Variants in PLTP observed in about 807,000 individuals in gnomAD.
PLTP encodes the protein BPI fold containing family E.
PLTP carries 43 observed loss-of-function variants against 54.1 expected under a neutral mutation model. The ratio of observed to expected loss-of-function variants is 0.79; its 90% CI spans 0.62 to 1.02. PLTP has a LOEUF of 1.02. Ranked by LOEUF, PLTP falls within the 50% of genes least tolerant of loss-of-function variation. The pLI is 0.00. For missense variants in PLTP, 604 were observed against 645.9 expected (o/e 0.94, Z 0.70); for synonymous variants, 263 against 264.6 (o/e 0.99, Z 0.06).
At chr20:45,910,262 G>A (rs1211323973) in intron 3 of PLTP, among the ~76,000 whole-genome samples, 192 bp from the exon 4 acceptor site, 1 of 152,148 alleles carries the variant, frequency 6.6e-6, no homozygotes, top group East Asian at 1.9e-4. Context: ...GGCTGAGAGA[G>A]GAGGTCTTCC....
intron 13 of PLTP, 29 bp downstream of exon 13, chr20:45,899,807 G>GGCCCCCCCCCCCCCCCCCCCCCCCC (rs1601153877): frequency 2.2e-6 from 3 of 1,369,454 alleles, no homozygotes; most frequent in Non-Finnish European, 3.0e-6. Context: ...CACGAACCCA[G>GGCCCCCCCCCCCCCCCCCCCCCCCC]CCCAGCCCAC....
At chr20:45,909,185 G>C (rs1034439091) in intron 5 of PLTP, among the ~76,000 whole-genome samples, 1 of 151,942 alleles carries the variant, frequency 6.6e-6, no homozygotes, top group Non-Finnish European at 1.5e-5. Context: ...GGATGATCTC[G>C]ATCTGTTAAC....
chr20:45,901,976 G>T (rs2083189180), intron 12 of PLTP, among the ~76,000 whole-genome samples: 1 of 151,866 alleles, frequency 6.6e-6, no homozygotes, highest in South Asian at 2.1e-4. Context: ...GTGTTGTGCT[G>T]AGGTTTTTGT....
At chr20:45,910,398 T>C (rs183200067) in intron 3 of PLTP, among the ~76,000 whole-genome samples, 635 of 152,134 alleles carry the variant, frequency 4.2e-3, no homozygotes, top group South Asian at 0.017. Flanking sequence ...GGCGGATCAC[T>C]TGAGGTCAGG....
Position 45,898,704 on chromosome 20 carries a change from A to T in PLTP, c.*237T>A. On this transcript the variant is annotated 3_prime_UTR_variant, in exon 16 of 16. Coordinates refer to ENST00000372431, the MANE Select transcript of PLTP (RefSeq NM_006227.4). The surrounding 1 kb of genome is among the most constrained non-coding windows in gnomAD (Gnocchi z 4.6). ...CTTCTCTGCTTAAAGAATGCCCTTT[A>T]TGATGCACTGATTCCATCCCAGGAA... 1.5e-6 allele frequency: 1 copy of T among 656,600 alleles called. No homozygotes were observed. The highest frequency in any genetic ancestry group is 2.6e-6 in the Non-Finnish European group (1 of 378,480). 40.7% of individuals were successfully genotyped at this position (656,600 alleles called of 1,614,324 possible).
chr20:45,911,275 C>A (rs1026472921), intron 2 of PLTP, 24 bp from the exon 3 acceptor site: 23 of 1,613,882 alleles, frequency 1.4e-5, no homozygotes, highest in Middle Eastern at 1.7e-4. Flanking sequence ...GAAACCCTTA[C>A]TTAGCTCCCG....
chr20:45,908,048 AAGAACC>A (rs2083257889), intron 5 of PLTP, 144 bp from the exon 6 acceptor site: 2 of 772,612 alleles, frequency 2.6e-6, no homozygotes, highest in Non-Finnish European at 2.2e-6. Flanking sequence ...TAGGTTTTCC[AAGAACC>A]AGGCCCAAAT....
At chr20:45,909,756 G>T in intron 4 of PLTP, 85 bp from the exon 5 acceptor site, 5 of 1,517,256 alleles carry the variant, frequency 3.3e-6, no homozygotes, top group East Asian at 2.3e-5. Flanking sequence ...TCTTAATAAG[G>T]TTTCACCTCT....
Position 45,902,582 on chromosome 20 carries a change from G to C in PLTP, c.965C>G (p.Pro322Arg). ...VLLSPAVIDS[P>R]LKLELRVLAP... Reference sequence around the variant, plus strand: ...CAGGACCCGCAGCTCCAGCTTCAATGGGGAGTCAATCACTGCTGGGCTCTG... The same window carrying C: ...CAGGACCCGCAGCTCCAGCTTCAATCGGGAGTCAATCACTGCTGGGCTCTG... The change falls in exon 11 of 16, where the codon CCA (proline) becomes CGA (arginine). Residue 322 changes from proline to arginine, a missense_variant. By Grantham distance (103) the Pro-to-Arg change is moderately radical (BLOSUM62 -2). Transcript: ENST00000372431. 6.2e-7 allele frequency: 1 copy of C among 1,612,578 alleles called. No individual in the cohort carries two copies. The highest frequency in any genetic ancestry group is 8.5e-7 in the Non-Finnish European group (1 of 1,179,272).
Position 45,902,608 on chromosome 20 carries a change from G to C in PLTP, c.943-4C>G. 1 of 1,601,084 alleles carries C rather than the reference G, an allele frequency of 6.2e-7. No individual in the cohort carries two copies. The highest frequency in any genetic ancestry group is 8.5e-7 in the Non-Finnish European group (1 of 1,172,882). ...GGGAGTCAATCACTGCTGGGCTCTG[G>C]GGGATGAGCAGCAGGGGCGGGTCAA... is the stretch of plus-strand genomic sequence containing the variant. On this transcript the variant is annotated splice_polypyrimidine_tract_variant and splice_region_variant and intron_variant, in intron 10 of 15. Transcript: ENST00000372431.
chr20:45,899,810 C>CCG, intron 13 of PLTP, 26 bp downstream of exon 13: 8 of 1,134,760 alleles, frequency 7.0e-6, no homozygotes, highest in Non-Finnish European at 9.1e-6. Context: ...GAACCCAGCC[C>CCG]AGCCCACCCA....
intron 3 of PLTP, among the ~76,000 whole-genome samples, chr20:45,910,623 A>G (rs2083281360): frequency 6.6e-6 from 1 of 151,508 alleles, no homozygotes; most frequent in Non-Finnish European, 1.5e-5. Context: ...TCAGAAAAAA[A>G]AAAAAAAAAA....
chr20:45,909,874 C>T (rs1444282728), intron 4 of PLTP, 68 bp downstream of exon 4: 9 of 1,567,356 alleles, frequency 5.7e-6, no homozygotes, highest in Non-Finnish European at 7.0e-6. Flanking sequence ...GGGGGCTGCC[C>T]ACAGCCCCAC....
chr20:45,903,841 C>A (rs11569671), intron 10 of PLTP, among the ~76,000 whole-genome samples: 2 of 151,100 alleles, frequency 1.3e-5, no homozygotes, highest in African/African-American at 2.4e-5. Context: ...TTTGTCCCCC[C>A]ACCGAAAAAA....
chr20:45,906,221 G>T, intron 8 of PLTP, 47 bp downstream of exon 8: 1 of 1,287,196 alleles, frequency 7.8e-7, no homozygotes, highest in Non-Finnish European at 1.1e-6. Flanking sequence ...CAGAGAAAGA[G>T]GTCTTGTTAG....
Position 45,909,924 on chromosome 20 carries a change from A to C in PLTP, c.329+18T>G. ...TCCTGACCCACTCTCCACTCCCCTGAGGGTGCTGGGTCCTTACAAGAACCA... is the reference window on the plus strand; with the variant it reads ...TCCTGACCCACTCTCCACTCCCCTGCGGGTGCTGGGTCCTTACAAGAACCA... On this transcript the variant is annotated intron_variant, in intron 4 of 15. Coordinates refer to ENST00000372431, the MANE Select transcript of PLTP (RefSeq NM_006227.4). 6.2e-7 allele frequency: 1 copy of C among 1,613,832 alleles called. No individual in the cohort carries two copies. Among genetic ancestry groups the C allele is most frequent in the African/African-American group, 1.3e-5 (1 of 75,028 alleles).
intron 3 of PLTP, 171 bp downstream of exon 3, chr20:45,910,981 G>A (rs1255146866): frequency 1.3e-6 from 2 of 1,511,212 alleles, no homozygotes; most frequent in East Asian, 2.4e-5. Flanking sequence ...TATGATGACT[G>A]GCTTGGCCTT....
At chr20:45,907,786 C>T (rs2083255031) in intron 6 of PLTP, 31 bp from the exon 7 acceptor site, 4 of 1,611,620 alleles carry the variant, frequency 2.5e-6, no homozygotes, top group Non-Finnish European at 3.4e-6. Context: ...TCAGGGCCTT[C>T]TCAAAGTGAG....
Position 45,907,894 on chromosome 20 carries a change from C to T in PLTP, c.496G>A (p.Asp166Asn), listed in dbSNP as rs1339014905. The T allele has an allele frequency of 1.3e-6, 2 of 1,579,908 alleles. No individual in the cohort carries two copies. The highest frequency in any genetic ancestry group is 2.3e-5 in the South Asian group (2 of 86,192). Residue 166 changes from aspartate (D) to asparagine (N), a missense_variant, in exon 6 of 16, where the codon GAT becomes AAT. Asp to Asn is a conservative substitution (Grantham distance 23). Transcript: ENST00000372431. ...GAGGTGATGAACGTGGAGAGAAAAT[C>T]ATACACCTTCCTGTGAGGAGAGGAG... ...AFGGTFKKVYDFLSTFITSGM... is the reference protein window; with the variant it reads ...AFGGTFKKVYNFLSTFITSGM...
Sources: allele counts gnomAD v4.1 joint callset (sites outside exome capture counted in the v4.1 genomes callset), GRCh38; gene constraint gnomAD v4.1.1; non-coding constraint Gnocchi (gnomAD v3.1); transcripts MANE v1.5; gene names NCBI Gene and HGNC (gene_info 2026-07-23, HGNC 2026-07-21).